The following BRCA1 variants were observed in gnomAD, a reference collection of about 807,000 sequenced individuals.
The protein encoded by BRCA1 is BRCA1 DNA repair associated.
Under a neutral mutation model 173.7 loss-of-function variants are expected in BRCA1, and 140 were observed. That is an observed-to-expected ratio of 0.81 (90% CI 0.70 to 0.93). The LOEUF is 0.93. Ranked by LOEUF, BRCA1 falls within the 40% of genes least tolerant of loss-of-function variation. The pLI is 0.00. For synonymous variants in BRCA1, 662 were observed against 756.0 expected (o/e 0.88, Z 2.04); for missense variants, 1,983 against 2,172.5 (o/e 0.91, Z 1.73).
intron 2 of BRCA1, among the ~76,000 whole-genome samples, chr17:43,122,114 AT>A (rs1252419998): frequency 6.6e-6 from 1 of 152,198 alleles, no homozygotes; most frequent in Non-Finnish European, 1.5e-5. Flanking sequence ...GAGGATGGTT[AT>A]TTATAAATCT....
chr17:43,061,361 T>C (rs766167206), intron 18 of BRCA1, among the ~76,000 whole-genome samples: 5 of 152,156 alleles, frequency 3.3e-5, no homozygotes, highest in Non-Finnish European at 7.3e-5. Context: ...TATTTCTCCA[T>C]AGCATTTATT....
At chr17:43,101,356 C>T (rs1379304103) in intron 6 of BRCA1, among the ~76,000 whole-genome samples, 1 of 151,764 alleles carries the variant, frequency 6.6e-6, no homozygotes, top group East Asian at 1.9e-4. Flanking sequence ...GCCACCATGC[C>T]TGGCTAATTT....
At chr17:43,068,396 C>T (rs2052242665) in intron 15 of BRCA1, among the ~76,000 whole-genome samples, 1 of 151,184 alleles carries the variant, frequency 6.6e-6, no homozygotes, top group Non-Finnish European at 1.5e-5. Flanking sequence ...CTACTACGTA[C>T]CACAAAACTT....
Position 43,091,814 on chromosome 17 carries a change from A to T in BRCA1, c.3717T>A (p.Ser1239=), listed in dbSNP as rs730881453. 1.4e-5 allele frequency: 23 copies of T among 1,614,102 alleles called. No homozygotes were observed. In the Admixed American group the frequency reaches 1.7e-4, roughly 12 times the overall value. Residue 1239 remains serine (S), a synonymous_variant, in exon 10 of 23, where the codon TCT becomes TCA. Transcript: ENST00000357654. The part of the protein sequence containing the change: ...LLFGKVNNIP[S]QSTRHSTVAT... ...CAACGGTGCTATGCCTAGTAGACTGAGAAGGTATATTGTTTACTTTACCAA... is the reference window on the plus strand; with the variant it reads ...CAACGGTGCTATGCCTAGTAGACTGTGAAGGTATATTGTTTACTTTACCAA...
chr17:43,048,792 A>G (rs1378024264), intron 21 of BRCA1, among the ~76,000 whole-genome samples: 1 of 151,880 alleles, frequency 6.6e-6, no homozygotes, highest in East Asian at 1.9e-4. Context: ...TGCTGGGATT[A>G]CAGACATGAG....
intron 4 of BRCA1, among the ~76,000 whole-genome samples, chr17:43,105,518 G>C (rs1040755049): frequency 6.6e-6 from 1 of 152,116 alleles, no homozygotes; most frequent in Non-Finnish European, 1.5e-5. Flanking sequence ...TAGGGTTATA[G>C]GCATGAGCAA....
chr17:43,063,373 C>T lies in BRCA1; in HGVS notation c.5153G>A (p.Trp1718Ter), dbSNP rs41293461. 3.7e-6 allele frequency: 6 copies of T among 1,611,202 alleles called. No individual in the cohort carries two copies. The highest frequency in any genetic ancestry group is 5.1e-6 in the Non-Finnish European group (6 of 1,177,760). The change falls in exon 18 of 23, where the codon TGG (tryptophan) becomes TAG (stop). Residue 1718 changes from tryptophan to a stop codon, truncating the protein, a stop_gained and splice_region_variant. Coordinates refer to ENST00000357654, the MANE Select transcript of BRCA1 (RefSeq NM_007294.4). LOFTEE classifies it high-confidence loss of function. Reference protein sequence around the residue: ...AGGKWVVSYFWVTQSIKERKM... With the variant: ...AGGKWVVSYF ...TCTTTCTTTAATAGACTGGGTCACC[C>T]CTAAAGAGATCATAGAAAAGACAGG...
At chr17:43,076,810 T>C (rs1441954439) in intron 12 of BRCA1, among the ~76,000 whole-genome samples, 196 bp from the exon 13 acceptor site, 1 of 151,658 alleles carries the variant, frequency 6.6e-6, no homozygotes, top group Non-Finnish European at 1.5e-5. Context: ...AATTCAATGA[T>C]TAAAAAATAA....
At position 43,076,597 on chromosome 17, in the gene BRCA1, T is replaced by C. The variant is rs886040228; in HGVS notation, c.4375A>G (p.Lys1459Glu). The change falls in exon 13 of 23, where the codon AAA becomes GAA. Residue 1459 changes from lysine to glutamate, a missense_variant. Coordinates refer to ENST00000357654, the MANE Select transcript of BRCA1 (RefSeq NM_007294.4). ...TSEKAVLTSQ[K>E]SSEYPISQNP... is the part of the protein sequence containing the mutation. Reference sequence around the variant, plus strand: ...TGGCTTATAGGGTATTCACTACTTTTCTGTGAAGTTAATACTGCTTTAAAT... The same window carrying C: ...TGGCTTATAGGGTATTCACTACTTTCCTGTGAAGTTAATACTGCTTTAAAT... 1 of 1,613,666 alleles carries C rather than the reference T, an allele frequency of 6.2e-7. No individual in the cohort carries two copies. Among genetic ancestry groups the C allele is most frequent in the Non-Finnish European group, 8.5e-7 (1 of 1,179,788 alleles).
intron 1 of BRCA1, 182 bp downstream of exon 1, chr17:43,125,089 G>GCTT (rs2055810783): frequency 2.3e-6 from 1 of 436,052 alleles, no homozygotes; most frequent in Non-Finnish European, 4.6e-6. Context: ...GATCCTCAGC[G>GCTT]CTTCCCTCGC....
chr17:43,079,786 G>GT (rs1430363293), intron 12 of BRCA1: 6 of 721,064 alleles, frequency 8.3e-6, no homozygotes, highest in East Asian at 5.8e-5. Context: ...CATAATAGGT[G>GT]TTAAAAAAAA....
chr17:43,100,563 TATATATATA>T lies in BRCA1; in HGVS notation c.442-692_442-684del, dbSNP rs1567806995. ...ATATATATGTGTGTGTGTGTGTATA[TATATATATA>T]ACATATATATAACATATATATATTA... is the stretch of plus-strand genomic sequence containing the variant. On this transcript the variant is annotated intron_variant, in intron 6 of 22. Transcript: ENST00000357654. 2.4e-4 allele frequency among the ~76,000 whole-genome samples: 24 copies of T among 99,836 alleles called. 2 individuals carry two copies. Among genetic ancestry groups the T allele is most frequent in the South Asian group, 7.2e-4 (2 of 2,772 alleles). 65.5% of individuals were successfully genotyped at this position (99,836 alleles called of 152,430 possible).
chr17:43,163,974 C>T (rs1359341459), intron 1 of BRCA1: 4 of 152,196 alleles, frequency 2.6e-5, no homozygotes, highest in Admixed American at 6.5e-5. Flanking sequence ...AAAAGAGCTA[C>T]CAGGCAGCCC....
At chr17:43,126,313 A>G (rs1261719246), upstream of BRCA1, among the ~76,000 whole-genome samples, 1 of 152,238 alleles carries the variant, frequency 6.6e-6, no homozygotes, top group Non-Finnish European at 1.5e-5. Context: ...GGTAAGAGCC[A>G]ATCTTCTTGG....
At position 43,123,093 on chromosome 17, in the gene BRCA1, T is replaced by C. The variant is rs562222209; in HGVS notation, c.80+924A>G. 6.6e-5 allele frequency among the ~76,000 whole-genome samples: 10 copies of C among 151,634 alleles called. No individual in the cohort carries two copies. In the East Asian group the frequency reaches 1.6e-3, roughly 24 times the overall value. On this transcript the variant is annotated intron_variant, in intron 2 of 22. Transcript: ENST00000357654. ...AAAAAATACAAAAATTAGCTGGGCA[T>C]GGTGGTGCACACCTATCGTCCCTGC...
rs876658221 is a variant in BRCA1 at position 43,090,970 on chromosome 17, A to G, written c.4159T>C (p.Ser1387Pro). 1.2e-6 allele frequency: 2 copies of G among 1,612,348 alleles called. No individual in the cohort carries two copies. Among genetic ancestry groups the G allele is most frequent in the Non-Finnish European group, 1.7e-6 (2 of 1,179,284 alleles). The change falls in exon 11 of 23, where the codon TCT (serine) becomes CCT (proline). Residue 1387 changes from serine (S) to proline (P), a missense_variant. Physicochemically the swap from Ser to Pro is moderately conservative, Grantham distance 74 (BLOSUM62 -1). Coordinates refer to ENST00000357654, the MANE Select transcript of BRCA1 (RefSeq NM_007294.4). ...SVSEDCSGLS[S>P]QSDILTTQQR... is the part of the protein sequence containing the mutation. ...TGAGTGGTTAAAATGTCACTCTGAG[A>G]GGATAGCCCTGAGCAGTCTTCAGAG...
Position 43,098,734 on chromosome 17 carries a change from G to A in BRCA1, c.547+1041C>T, listed in dbSNP as rs563470320. 2.6e-5 allele frequency among the ~76,000 whole-genome samples: 4 copies of A among 151,562 alleles called. No individual in the cohort carries two copies. In the South Asian group the frequency reaches 8.3e-4, roughly 31 times the overall value. On this transcript the variant is annotated intron_variant, in intron 7 of 22. Transcript: ENST00000357654. ...TGTTGGCCAGGCTGGTCTTAAACTCGTGGACTCAACCAATCCTTCTGCCTC... is the reference window on the plus strand; with the variant it reads ...TGTTGGCCAGGCTGGTCTTAAACTCATGGACTCAACCAATCCTTCTGCCTC...
intron 1 of BRCA1, chr17:43,131,360 C>T (rs11653069): frequency 0.36 from 149,403 of 415,108 alleles, 28,211 homozygotes; most frequent in South Asian, 0.51. Context: ...CGAAGTAGCG[C>T]TTAGCTCATT....
Position 43,092,928 on chromosome 17 carries a change from G to C in BRCA1, c.2603C>G (p.Ser868Ter), listed in dbSNP as rs80356925. 2 of 1,613,782 alleles carry C rather than the reference G, an allele frequency of 1.2e-6. No homozygotes were observed. The highest frequency in any genetic ancestry group is 2.2e-5 in the South Asian group (2 of 91,072). ...QNTFKVSKRQSFAPFSNPGNA... is the reference protein window; with the variant it reads ...QNTFKVSKRQ ...TCCTGGATTTGAAAACGGAGCAAAT[G>C]ACTGGCGCTTTGAAACCTTGAATGT... Residue 868 changes from serine (S) to a stop codon, truncating the protein, a stop_gained, in exon 10 of 23, where the codon TCA becomes TGA. Coordinates refer to ENST00000357654, the MANE Select transcript of BRCA1 (RefSeq NM_007294.4). LOFTEE classifies it high-confidence loss of function.
Sources: gnomAD v4.1 joint callset for allele counts (sites outside exome capture counted in the v4.1 genomes callset) on GRCh38, gnomAD v4.1.1 for gene constraint, MANE v1.5 for transcripts, NCBI Gene and HGNC (gene_info 2026-07-23, HGNC 2026-07-21) for gene names.